MAF: variants seen among roughly 807,000 people sequenced by gnomAD.
MAF encodes MAF bZIP transcription factor, also known as transcription factor Maf.
MAF carries 10 observed loss-of-function variants against 22.0 expected under a neutral mutation model. That is an observed-to-expected ratio of 0.45 (90% confidence interval 0.28 to 0.77). MAF has a LOEUF of 0.77. Among genes scored for constraint, MAF ranks in the 30% least tolerant of loss-of-function variants. The pLI is 0.12. For synonymous variants in MAF, 337 were observed against 255.8 expected, an observed-to-expected ratio of 1.32 and a Z score of -3.03; for missense variants, 544 against 548.4, an observed-to-expected ratio of 0.99 and a Z score of 0.08.
the MAF span, among the ~76,000 whole-genome samples, chr16:79,457,687 G>A: frequency 1.3e-4 from 20 of 152,126 alleles, no homozygotes; most frequent in African/African-American, 4.6e-4. Context: ...ACATGTTACA[G>A]AATCAGTTAG....
chr16:79,441,812 T>C, the MAF span, among the ~76,000 whole-genome samples: 7 of 152,336 alleles, frequency 4.6e-5, no homozygotes, highest in South Asian at 1.2e-3. Flanking sequence ...TGTGGTCTTA[T>C]GTGTAAATAG....
chr16:79,435,929 GA>G, the MAF span, among the ~76,000 whole-genome samples: 14 of 152,140 alleles, frequency 9.2e-5, no homozygotes, highest in African/African-American at 3.4e-4. Flanking sequence ...CTGCTCTTTG[GA>G]AAATTCATTA....
the MAF span, among the ~76,000 whole-genome samples, chr16:79,506,272 G>A: frequency 6.6e-6 from 1 of 152,146 alleles, no homozygotes; most frequent in South Asian, 2.1e-4. Flanking sequence ...GCCTTCTGTA[G>A]CCTCATTTTA....
the MAF span, among the ~76,000 whole-genome samples, chr16:79,402,569 G>A: frequency 1.3e-5 from 2 of 152,248 alleles, no homozygotes; most frequent in Non-Finnish European, 2.9e-5. Flanking sequence ...CTACCTCCAG[G>A]AGCAGGGCTG....
the MAF span, among the ~76,000 whole-genome samples, chr16:79,535,660 G>T: frequency 6.9e-6 from 1 of 144,802 alleles, no homozygotes; most frequent in Non-Finnish European, 1.5e-5. Context: ...TGACATCTCG[G>T]TCACTGCAAC....
At chr16:79,256,428 G>A in the MAF span, among the ~76,000 whole-genome samples, 9 of 152,056 alleles carry the variant, frequency 5.9e-5, no homozygotes, top group African/African-American at 1.9e-4. Context: ...GTGAGTTAGC[G>A]GGTTCGTACC....
At chr16:79,229,758 C>T in the MAF span, among the ~76,000 whole-genome samples, 262 of 152,118 alleles carry the variant, frequency 1.7e-3, 2 homozygotes, top group African/African-American at 6.0e-3. Flanking sequence ...TTTGTACCTC[C>T]GGGATTCCTT....
At chr16:79,434,686 C>G in the MAF span, among the ~76,000 whole-genome samples, 2 of 151,568 alleles carry the variant, frequency 1.3e-5, no homozygotes, top group Non-Finnish European at 2.9e-5. Context: ...AAATTATATA[C>G]AGTTTTAATA....
At chr16:79,547,061 C>T in the MAF span, among the ~76,000 whole-genome samples, 1 of 152,110 alleles carries the variant, frequency 6.6e-6, no homozygotes, top group Non-Finnish European at 1.5e-5. Context: ...GAGTTTGAAG[C>T]TTTTTCTTTG....
At chr16:79,359,392 C>G in the MAF span, among the ~76,000 whole-genome samples, 1 of 152,216 alleles carries the variant, frequency 6.6e-6, no homozygotes, top group Non-Finnish European at 1.5e-5. Context: ...TGATGGGATG[C>G]CAGTATTTTC....
chr16:79,543,898 A>G, the MAF span, among the ~76,000 whole-genome samples: 304 of 151,794 alleles, frequency 2.0e-3, no homozygotes, highest in African/African-American at 6.5e-3. Flanking sequence ...GTTTTAGCCA[A>G]GATGGTCTCC....
the MAF span, among the ~76,000 whole-genome samples, chr16:79,569,838 C>A: frequency 6.6e-6 from 1 of 152,230 alleles, no homozygotes; most frequent in South Asian, 2.1e-4. Flanking sequence ...GGAGCTGTCC[C>A]CGGCTCTTAG....
At chr16:79,411,973 G>A in the MAF span, among the ~76,000 whole-genome samples, 1 of 152,140 alleles carries the variant, frequency 6.6e-6, no homozygotes, top group Non-Finnish European at 1.5e-5. Flanking sequence ...TGGCAGTAGT[G>A]TTGCTGTTGT....
At chr16:79,334,598 C>T in the MAF span, among the ~76,000 whole-genome samples, 1 of 152,104 alleles carries the variant, frequency 6.6e-6, no homozygotes, top group African/African-American at 2.4e-5. Flanking sequence ...GGGTCTCTTG[C>T]TAAAAAATTC....
chr16:79,305,165 A>T, the MAF span, among the ~76,000 whole-genome samples: 3 of 152,222 alleles, frequency 2.0e-5, no homozygotes, highest in African/African-American at 7.2e-5. Flanking sequence ...CCCAGGGAGC[A>T]TTGCAGGGGA....
the MAF span, among the ~76,000 whole-genome samples, chr16:79,534,738 T>TA: frequency 1.3e-5 from 2 of 151,686 alleles, no homozygotes; most frequent in Non-Finnish European, 2.9e-5. Context: ...AAGTATAATT[T>TA]AAAAAAAAGA....
At chr16:79,528,878 G>A in the MAF span, among the ~76,000 whole-genome samples, 1 of 152,158 alleles carries the variant, frequency 6.6e-6, no homozygotes, top group Non-Finnish European at 1.5e-5. Flanking sequence ...CTGCAGTAAT[G>A]TGCCTTCCCT....
the MAF span, among the ~76,000 whole-genome samples, chr16:79,324,433 G>A: frequency 6.6e-6 from 1 of 152,176 alleles, no homozygotes; most frequent in Non-Finnish European, 1.5e-5. Flanking sequence ...ATTCTGCAGG[G>A]CCGACTTTGG....
the MAF span, among the ~76,000 whole-genome samples, chr16:79,362,650 T>C: frequency 2.0e-5 from 3 of 152,182 alleles, no homozygotes; most frequent in Non-Finnish European, 2.9e-5. Flanking sequence ...GCAGACGGGG[T>C]AGTCAAGTTA....
Sources: allele counts gnomAD v4.1 joint callset (sites outside exome capture counted in the v4.1 genomes callset), GRCh38; gene constraint gnomAD v4.1.1; transcripts MANE v1.5; gene names NCBI Gene and HGNC (gene_info 2026-07-23, HGNC 2026-07-21).